Variants in RAPGEF5 observed in about 807,000 individuals in gnomAD.
RAPGEF5 encodes Rap guanine nucleotide exchange factor 5.
A neutral mutation model predicts 125.2 loss-of-function variants in RAPGEF5; 65 were observed. The ratio of observed to expected loss-of-function variants is 0.52; its 90% confidence interval spans 0.43 to 0.64. The LOEUF (loss-of-function observed/expected upper bound fraction) is 0.64, where lower values mean the gene tolerates loss of function less well. Among genes scored for constraint, RAPGEF5 ranks in the 30% least tolerant of loss-of-function variants. The pLI, the probability that RAPGEF5 is intolerant of heterozygous loss-of-function variation, is 0.00. For synonymous variants in RAPGEF5, 391 were observed against 385.9 expected, an observed-to-expected ratio of 1.01 and a Z score of -0.16; for missense variants, 958 against 1,048.1, an observed-to-expected ratio of 0.91 and a Z score of 1.19.
intron 9 of RAPGEF5, among the ~76,000 whole-genome samples, chr7:22,198,904 G>C (rs1367593210): frequency 6.6e-6 from 1 of 152,230 alleles, no homozygotes; most frequent in Non-Finnish European, 1.5e-5. Flanking sequence ...GCGAAGCTGA[G>C]ATTGAACCCA....
chr7:22,175,623 C>A (rs1266414515), intron 11 of RAPGEF5, among the ~76,000 whole-genome samples: 1 of 152,270 alleles, frequency 6.6e-6, no homozygotes, highest in South Asian at 2.1e-4. Flanking sequence ...TCGGACCTCT[C>A]GGAGTTGCTG....
chr7:22,317,304 G>A (rs865950846), intron 2 of RAPGEF5, among the ~76,000 whole-genome samples: 17 of 149,132 alleles, frequency 1.1e-4, no homozygotes, highest in African/African-American at 3.5e-4. Flanking sequence ...GCAGTGGTGC[G>A]ATCTCAGCTC....
chr7:22,304,725 CCAAA>C (rs1433631323), intron 5 of RAPGEF5, among the ~76,000 whole-genome samples: 3 of 152,170 alleles, frequency 2.0e-5, no homozygotes, highest in Non-Finnish European at 4.4e-5. Context: ...AACGCCAGTC[CCAAA>C]CAGTCACTGC....
chr7:22,300,332 A>T (rs914055905), intron 5 of RAPGEF5, among the ~76,000 whole-genome samples: 2 of 152,100 alleles, frequency 1.3e-5, no homozygotes, highest in African/African-American at 4.8e-5. Context: ...TTGACTAACA[A>T]CTTCTATCCC....
At chr7:22,185,358 T>C (rs1348222692) in intron 11 of RAPGEF5, among the ~76,000 whole-genome samples, 2 of 152,198 alleles carry the variant, frequency 1.3e-5, no homozygotes, top group East Asian at 3.8e-4. Flanking sequence ...TTCTCATAGC[T>C]AGAAGGGTCC....
chr7:22,356,765 G>C, intron 1 of RAPGEF5, 65 bp downstream of exon 1: 1 of 927,860 alleles, frequency 1.1e-6, no homozygotes, highest in Non-Finnish European at 1.3e-6. Context: ...CAGCGGCCCG[G>C]GGGGTGGGCG....
At chr7:22,144,264 C>T (rs946440985) in intron 20 of RAPGEF5, among the ~76,000 whole-genome samples, 10 of 152,102 alleles carry the variant, frequency 6.6e-5, no homozygotes, top group Admixed American at 2.6e-4. Context: ...TCTTTGAAAG[C>T]GAACACAGCC....
At chr7:22,272,350 AAAAAAAAAAAAAAGAAGGAAAAAAAAG>A (rs1409516477) in intron 6 of RAPGEF5, among the ~76,000 whole-genome samples, 6,457 of 143,908 alleles carry the variant, frequency 0.045, 166 homozygotes, top group South Asian at 0.08. Context: ...CTCAAAAAAA[AAAAAAAAAAAAAAGAAGGAAAAAAAAG>A]AAAAAAAAAT....
At chr7:22,230,255 T>C (rs976013418) in intron 8 of RAPGEF5, among the ~76,000 whole-genome samples, 1 of 152,216 alleles carries the variant, frequency 6.6e-6, no homozygotes, top group Non-Finnish European at 1.5e-5. Flanking sequence ...TGTGACTTTA[T>C]TAAAACATTA....
intron 14 of RAPGEF5, among the ~76,000 whole-genome samples, chr7:22,159,336 G>A (rs1206051497): frequency 6.6e-6 from 1 of 152,174 alleles, no homozygotes; most frequent in Non-Finnish European, 1.5e-5. Flanking sequence ...GATGATTGAG[G>A]ACTATACACA....
intron 5 of RAPGEF5, among the ~76,000 whole-genome samples, chr7:22,298,238 C>T (rs1324671711): frequency 4.0e-5 from 6 of 149,306 alleles, no homozygotes; most frequent in Non-Finnish European, 7.4e-5. Context: ...AGTGCAATGG[C>T]GTGATCTTGG....
chr7:22,290,511 T>C (rs983308034), intron 6 of RAPGEF5, among the ~76,000 whole-genome samples: 11 of 152,146 alleles, frequency 7.2e-5, no homozygotes, highest in South Asian at 2.1e-4. Context: ...TTTGGGAGGC[T>C]GAGGCGGGCG....
chr7:22,212,594 A>G (rs1261857194), intron 9 of RAPGEF5, among the ~76,000 whole-genome samples: 1 of 152,038 alleles, frequency 6.6e-6, no homozygotes, highest in Non-Finnish European at 1.5e-5. Context: ...TATTTTTCCA[A>G]ACCTTGGAAG....
chr7:22,326,234 T>C (rs1354095052), intron 1 of RAPGEF5, among the ~76,000 whole-genome samples: 1 of 152,226 alleles, frequency 6.6e-6, no homozygotes, highest in Non-Finnish European at 1.5e-5. Flanking sequence ...CTAGGATATA[T>C]GAAGAGCTTC....
intron 18 of RAPGEF5, among the ~76,000 whole-genome samples, chr7:22,148,876 G>A (rs1236952382): frequency 1.3e-5 from 2 of 152,110 alleles, no homozygotes; most frequent in Non-Finnish European, 2.9e-5. Context: ...ATGTCAGATC[G>A]TCCTCCTTCA....
chr7:22,247,629 G>A (rs568521333), intron 7 of RAPGEF5, among the ~76,000 whole-genome samples: 2 of 152,106 alleles, frequency 1.3e-5, no homozygotes, highest in East Asian at 1.9e-4. Context: ...GTGGAACTGT[G>A]AGTCCATTAA....
At chr7:22,242,484 T>C (rs947807576) in intron 7 of RAPGEF5, among the ~76,000 whole-genome samples, 1 of 152,138 alleles carries the variant, frequency 6.6e-6, no homozygotes, top group Non-Finnish European at 1.5e-5. Context: ...CTAGAGACCC[T>C]GACCCAGCTG....
chr7:22,201,877 G>A (rs912000145), intron 9 of RAPGEF5, among the ~76,000 whole-genome samples: 2 of 152,194 alleles, frequency 1.3e-5, no homozygotes, highest in African/African-American at 4.8e-5. Context: ...GAAATGGCAG[G>A]GTCAGTTCCA....
chr7:22,174,268 G>A (rs922079077), intron 11 of RAPGEF5, among the ~76,000 whole-genome samples: 2 of 152,162 alleles, frequency 1.3e-5, no homozygotes, highest in Non-Finnish European at 2.9e-5. Flanking sequence ...AGAATTGGAG[G>A]AGGAAAAGGA....
Sources: allele counts gnomAD v4.1 joint callset (sites outside exome capture counted in the v4.1 genomes callset), GRCh38; gene constraint gnomAD v4.1.1; transcripts MANE v1.5; gene names NCBI Gene and HGNC (gene_info 2026-07-23, HGNC 2026-07-21).